The following PTPRG variants were observed in gnomAD, a reference collection of about 807,000 sequenced individuals.
The protein encoded by PTPRG is protein tyrosine phosphatase receptor type G, also known as receptor-type tyrosine-protein phosphatase gamma.
PTPRG carries 102 observed loss-of-function variants against 165.3 expected under a neutral mutation model. That is an observed-to-expected ratio of 0.62 (90% CI 0.53 to 0.73). The LOEUF is 0.73. Among genes scored for constraint, PTPRG ranks in the 30% least tolerant of loss-of-function variants. PTPRG has a pLI of 0.00. For synonymous variants in PTPRG, 675 were observed against 669.5 expected (o/e 1.01, Z -0.13); for missense variants, 1,866 against 1,861.4 (o/e 1.00, Z -0.05).
intron 1 of PTPRG, among the ~76,000 whole-genome samples, chr3:61,682,511 G>GA (rs1703485284): frequency 6.6e-6 from 1 of 152,168 alleles, no homozygotes; most frequent in Non-Finnish European, 1.5e-5. Context: ...GGCCAGTGAG[G>GA]AAAAAGGTAG....
chr3:61,840,806 T>C (rs952334546), intron 2 of PTPRG, among the ~76,000 whole-genome samples: 2 of 131,406 alleles, frequency 1.5e-5, no homozygotes, highest in South Asian at 2.6e-4. Flanking sequence ...TTTTTTGAGA[T>C]GAGGTCTTGC....
intron 14 of PTPRG, among the ~76,000 whole-genome samples, chr3:62,236,015 T>C (rs188999908): frequency 5.4e-4 from 83 of 152,346 alleles, no homozygotes; most frequent in Non-Finnish European, 9.9e-4. Flanking sequence ...TTGGAAAATA[T>C]GGCCACTAGA....
chr3:61,736,426 T>G (rs2032725485), intron 1 of PTPRG, among the ~76,000 whole-genome samples: 1 of 151,386 alleles, frequency 6.6e-6, no homozygotes, highest in Non-Finnish European at 1.5e-5. Context: ...ATACTTGTAT[T>G]TGGCTTGATT....
At chr3:61,754,943 C>A (rs1433448493) in intron 2 of PTPRG, among the ~76,000 whole-genome samples, 1 of 151,990 alleles carries the variant, frequency 6.6e-6, no homozygotes, top group East Asian at 1.9e-4. Context: ...TTAAGGGAAT[C>A]ATTTCCTTAG....
chr3:61,602,640 A>G (rs1467026777), intron 1 of PTPRG, among the ~76,000 whole-genome samples: 1 of 152,204 alleles, frequency 6.6e-6, no homozygotes, highest in East Asian at 1.9e-4. Flanking sequence ...CTATCTTGAC[A>G]GTCAGCAGGA....
At chr3:61,765,949 C>T (rs1188461722) in intron 2 of PTPRG, among the ~76,000 whole-genome samples, 4 of 152,126 alleles carry the variant, frequency 2.6e-5, no homozygotes, top group South Asian at 2.1e-4. Flanking sequence ...ATGTGGTCAC[C>T]GCTTCTATGG....
chr3:61,926,244 C>G (rs985553437), intron 2 of PTPRG, among the ~76,000 whole-genome samples: 2 of 151,986 alleles, frequency 1.3e-5, no homozygotes, highest in Non-Finnish European at 2.9e-5. Context: ...GTTGTAGTAC[C>G]CAGTGTTGGA....
chr3:61,636,202 A>T (rs2106941176), intron 1 of PTPRG, among the ~76,000 whole-genome samples: 1 of 152,316 alleles, frequency 6.6e-6, no homozygotes, highest in South Asian at 2.1e-4. Flanking sequence ...TTGAGATAGA[A>T]TTCATATAGT....
intron 4 of PTPRG, among the ~76,000 whole-genome samples, chr3:62,072,061 A>C (rs1575966739): frequency 6.6e-6 from 1 of 152,232 alleles, no homozygotes; most frequent in Non-Finnish European, 1.5e-5. Flanking sequence ...GTAAAGTCAA[A>C]CTACAACTGG....
At chr3:61,636,214 T>C (rs1701904352) in intron 1 of PTPRG, among the ~76,000 whole-genome samples, 1 of 152,202 alleles carries the variant, frequency 6.6e-6, no homozygotes, top group African/African-American at 2.4e-5. Flanking sequence ...TCATATAGTA[T>C]ACAGTTTACT....
intron 5 of PTPRG, among the ~76,000 whole-genome samples, chr3:62,122,235 G>T (rs72891423): frequency 6.6e-6 from 1 of 152,162 alleles, no homozygotes; most frequent in Non-Finnish European, 1.5e-5. Flanking sequence ...TAGTTTGTCT[G>T]TGAATGAAGT....
intron 2 of PTPRG, among the ~76,000 whole-genome samples, chr3:61,906,027 G>A (rs1316088738): frequency 6.6e-6 from 1 of 152,148 alleles, no homozygotes; most frequent in Admixed American, 6.5e-5. Flanking sequence ...AATACATGGA[G>A]TTTTATATTT....
intron 1 of PTPRG, among the ~76,000 whole-genome samples, chr3:61,639,623 C>G (rs117137730): frequency 6.6e-6 from 1 of 151,960 alleles, no homozygotes; most frequent in Non-Finnish European, 1.5e-5. Flanking sequence ...AATCTTTCAC[C>G]TGCTTGATTA....
At chr3:62,204,351 G>C (rs1051903284) in intron 12 of PTPRG, among the ~76,000 whole-genome samples, 2 of 152,172 alleles carry the variant, frequency 1.3e-5, no homozygotes, top group Non-Finnish European at 2.9e-5. Context: ...TGCTGTCCCA[G>C]GGGATCCTAG....
chr3:61,633,145 T>G (rs1038091441), intron 1 of PTPRG, among the ~76,000 whole-genome samples: 3 of 152,240 alleles, frequency 2.0e-5, no homozygotes, highest in African/African-American at 7.2e-5. Context: ...CTTCTCTGTT[T>G]TATGTTTGTT....
At chr3:61,961,923 C>T (rs2040161404) in intron 2 of PTPRG, among the ~76,000 whole-genome samples, 1 of 152,190 alleles carries the variant, frequency 6.6e-6, no homozygotes, top group African/African-American at 2.4e-5. Flanking sequence ...TTATTTCAGA[C>T]ACAGCTCGGG....
intron 17 of PTPRG, among the ~76,000 whole-genome samples, chr3:62,264,351 G>A (rs1272871380): frequency 2.0e-5 from 3 of 151,984 alleles, no homozygotes; most frequent in Non-Finnish European, 4.4e-5. Context: ...CAACTCTGGG[G>A]TTTTAGTATA....
intron 3 of PTPRG, among the ~76,000 whole-genome samples, chr3:61,995,114 A>G (rs1292984264): frequency 4.8e-5 from 5 of 104,270 alleles, no homozygotes; most frequent in South Asian, 3.1e-4. Flanking sequence ...TTTGAGACAG[A>G]GTCTTGCTAT....
intron 2 of PTPRG, among the ~76,000 whole-genome samples, chr3:61,783,562 G>A (rs1048601979): frequency 3.3e-5 from 5 of 152,168 alleles, no homozygotes; most frequent in Non-Finnish European, 7.3e-5. Flanking sequence ...GAAGATGTCT[G>A]TGTGTCTGGG....
Sources: gnomAD v4.1 joint callset for allele counts (sites outside exome capture counted in the v4.1 genomes callset) on GRCh38, gnomAD v4.1.1 for gene constraint, MANE v1.5 for transcripts, NCBI Gene and HGNC (gene_info 2026-07-23, HGNC 2026-07-21) for gene names.